The following VGLL4 variants were observed in gnomAD, a reference collection of about 807,000 sequenced individuals.
VGLL4 encodes transcription cofactor vestigial-like protein 4.
Under a neutral mutation model 21.0 loss-of-function variants are expected in VGLL4, and 7 were observed. That is an observed-to-expected ratio of 0.33 (90% CI 0.19 to 0.63). The LOEUF is 0.63. VGLL4 is among the 20% of genes least tolerant of loss of function. The pLI, the probability that VGLL4 is intolerant of heterozygous loss-of-function variation, is 0.78. For synonymous variants in VGLL4, 222 were observed against 173.2 expected (o/e 1.28, Z -2.21); for missense variants, 394 against 425.7 (o/e 0.93, Z 0.66).
rs2073624304 is a variant in VGLL4, at chr3:11,568,245, T to G, written c.273-3226A>C. 6.6e-6 allele frequency among the ~76,000 whole-genome samples: 1 copy of G among 152,208 alleles called. No individual in the cohort carries two copies. The highest frequency in any genetic ancestry group is 1.5e-5 in the Non-Finnish European group (1 of 68,028). On this transcript the variant is annotated intron_variant, in intron 2 of 4. Transcript: ENST00000430365. The surrounding 1 kb of genome is among the most constrained non-coding windows in gnomAD (Gnocchi z 5.9). The stretch of plus-strand genomic sequence containing the variant: ...TAAGGCACTGCCCACCCCTCGCACC[T>G]TATGTCCTAGGGGCACGGCACAGTC...
At position 11,654,150 on chromosome 3, in the gene VGLL4, C is replaced by T. The variant is rs116278587; in HGVS notation, c.64+48821G>A. Among the ~76,000 whole-genome samples, 1,206 of 151,940 alleles carry T rather than the reference C, an allele frequency of 7.9e-3. 22 individuals carry two copies. Among genetic ancestry groups the T allele is most frequent in the African/African-American group, 0.028 (1,136 of 41,296 alleles). On this transcript the variant is annotated intron_variant, in intron 2 of 5. Coordinates refer to the VGLL4 transcript ENST00000273038. The stretch of plus-strand genomic sequence containing the variant: ...GACAATAATGCCACAAATCAAGAAA[C>T]CCAAATCAAGCAAATCATTATTGGG...
chr3:11,705,838 A>G (rs1229132331), intron 1 of VGLL4, among the ~76,000 whole-genome samples: 1 of 151,834 alleles, frequency 6.6e-6, no homozygotes, highest in East Asian at 1.9e-4. Flanking sequence ...GGAGAATGGC[A>G]TGAACCCGCG....
chr3:11,620,240 C>T (rs1024089781), intron 1 of VGLL4, among the ~76,000 whole-genome samples: 1 of 152,316 alleles, frequency 6.6e-6, no homozygotes, highest in South Asian at 2.1e-4. Flanking sequence ...ATAGGAAAGA[C>T]TGGATTTACA....
chr3:11,563,013 T>C (rs1443271849), intron 3 of VGLL4, among the ~76,000 whole-genome samples: 1 of 152,256 alleles, frequency 6.6e-6, no homozygotes, highest in African/African-American at 2.4e-5. Context: ...CAGGCCACTC[T>C]GTTCAGCAGT....
intron 1 of VGLL4, among the ~76,000 whole-genome samples, chr3:11,716,120 G>A (rs1559961064): frequency 6.6e-6 from 1 of 151,946 alleles, no homozygotes; most frequent in East Asian, 1.9e-4. Context: ...TGGCCAACAT[G>A]GTGAAGCCCC....
rs551858889 is a variant in VGLL4 at position 11,686,852 on chromosome 3, T to C, written c.64+16119A>G. Among the ~76,000 whole-genome samples, 5 of 152,306 alleles carry C rather than the reference T, an allele frequency of 3.3e-5. No individual in the cohort carries two copies. The South Asian group carries it at 1.0e-3, about 32-fold the overall frequency. On this transcript the variant is annotated intron_variant, in intron 2 of 5. Transcript: ENST00000273038. The stretch of plus-strand genomic sequence containing the variant: ...CACAATCCATTGGTGGTTCCTAAAA[T>C]AGGTTGAATAGATTATAACCACCAT...
chr3:11,648,352 A>G (rs932861463), upstream of VGLL4, among the ~76,000 whole-genome samples: 2 of 152,228 alleles, frequency 1.3e-5, no homozygotes, highest in Non-Finnish European at 2.9e-5. Context: ...TTTGCCTTAT[A>G]CTGTACATCA....
At chr3:11,561,616 C>T (rs138256022) in intron 3 of VGLL4, among the ~76,000 whole-genome samples, 4,291 of 152,284 alleles carry the variant, frequency 0.028, 70 homozygotes, top group Non-Finnish European at 0.038. Context: ...CCACCTAGAA[C>T]GGGCCCCAGG....
chr3:11,679,438 A>C (rs2076339721), intron 2 of VGLL4, among the ~76,000 whole-genome samples: 1 of 152,172 alleles, frequency 6.6e-6, no homozygotes, highest in African/African-American at 2.4e-5. Context: ...TAATTCCAGC[A>C]CTTTGGGAGG....
At chr3:11,676,756 G>T (rs1233403927) in intron 2 of VGLL4, among the ~76,000 whole-genome samples, 1 of 151,886 alleles carries the variant, frequency 6.6e-6, no homozygotes, top group Non-Finnish European at 1.5e-5. Flanking sequence ...AAAAGAAAAA[G>T]AATATTAAAA....
At chr3:11,660,191 C>T (rs1338642709) in intron 2 of VGLL4, among the ~76,000 whole-genome samples, 2 of 152,090 alleles carry the variant, frequency 1.3e-5, no homozygotes, top group South Asian at 4.1e-4. Context: ...CCCATCCTGC[C>T]AGCCAGCAGT....
At position 11,708,553 on chromosome 3, in the gene VGLL4, C is replaced by T. The variant is rs546705760; in HGVS notation, c.-13-5506G>A. Among the ~76,000 whole-genome samples, 9 of 150,732 alleles carry T rather than the reference C, an allele frequency of 6.0e-5. No homozygotes were observed. The South Asian group carries it at 1.3e-3, about 21-fold the overall frequency. On this transcript the variant is annotated intron_variant, in intron 1 of 5. Transcript: ENST00000273038. ...CGTGTGCCTGGAGGGCCTGCAACACCGATATTTTATTTTAAGTCCGTGAAA... is the reference window on the plus strand; with the variant it reads ...CGTGTGCCTGGAGGGCCTGCAACACTGATATTTTATTTTAAGTCCGTGAAA...
In VGLL4 at chr3:11,586,736, A is replaced by AAG. The variant is rs570757370; in HGVS notation, c.272+15096_272+15097insCT. ...CTGTATCCTCGAGGGTCTTGGAACC[A>AAG]ATCTCCCAAGGATATCCAGGGACGG... On this transcript the variant is annotated intron_variant, in intron 2 of 4. Coordinates refer to ENST00000430365, the MANE Select transcript of VGLL4 (RefSeq NM_001128219.3). Among the ~76,000 whole-genome samples, 29 of 152,340 alleles carry AAG rather than the reference A, an allele frequency of 1.9e-4. No homozygotes were observed. The South Asian group carries it at 5.8e-3, about 30-fold the overall frequency.
chr3:11,702,745 C>CAAAAAAAAAAAAAAAAAAAAA (rs372702459), intron 2 of VGLL4: 2 of 182,414 alleles, frequency 1.1e-5, no homozygotes, highest in Non-Finnish European at 1.1e-5. Context: ...AAAAAAAAAA[C>CAAAAAAAAAAAAAAAAAAAAA]AAAAAAAAAA....
rs769543042 is a variant in VGLL4, at chr3:11,558,633, C to T, written c.814G>A (p.Ala272Thr). 1.9e-5 allele frequency: 31 copies of T among 1,609,894 alleles called. No individual in the cohort carries two copies. The highest frequency in any genetic ancestry group is 5.3e-5 in the African/African-American group (4 of 74,902). ...KDGASSSPESASRRGQPASPS... is the reference protein window; with the variant it reads ...KDGASSSPESTSRRGQPASPS... Reference sequence around the variant, plus strand: ...CTGGCGGGCTGGCCCCTGCGAGAGGCGGACTCAGGGCTGCTGGATGCTCCG... The same window carrying T: ...CTGGCGGGCTGGCCCCTGCGAGAGGTGGACTCAGGGCTGCTGGATGCTCCG... Residue 272 changes from alanine to threonine, a missense_variant, in exon 5 of 5, where the codon GCC becomes ACC. Physicochemically the swap from Ala to Thr is moderately conservative, Grantham distance 58 (BLOSUM62 0). Coordinates refer to ENST00000430365, the MANE Select transcript of VGLL4 (RefSeq NM_001128219.3).
upstream of VGLL4, among the ~76,000 whole-genome samples, chr3:11,644,093 A>G (rs73814967): frequency 0.019 from 2,960 of 152,292 alleles, 86 homozygotes; most frequent in African/African-American, 0.067. Context: ...GCCTTGGCAG[A>G]GTGGCTCTTG....
intron 1 of VGLL4, among the ~76,000 whole-genome samples, chr3:11,715,435 G>A (rs2076906881): frequency 6.6e-6 from 1 of 152,102 alleles, no homozygotes; most frequent in Admixed American, 6.5e-5. Context: ...CCGGGTTCAA[G>A]CAATTCTCCT....
intron 2 of VGLL4, among the ~76,000 whole-genome samples, chr3:11,687,170 C>T (rs1034503508): frequency 2.6e-5 from 4 of 152,112 alleles, no homozygotes; most frequent in African/African-American, 9.7e-5. Context: ...CCCTCCCCAC[C>T]TCTTATCTTT....
chr3:11,625,619 C>G (rs1470335419), intron 1 of VGLL4, among the ~76,000 whole-genome samples: 1 of 152,194 alleles, frequency 6.6e-6, no homozygotes, highest in Non-Finnish European at 1.5e-5. Context: ...TTTTTCTCTT[C>G]CTTTTTCACA....
Sources: gnomAD v4.1 joint callset for allele counts (sites outside exome capture counted in the v4.1 genomes callset) on GRCh38, gnomAD v4.1.1 for gene constraint, Gnocchi (gnomAD v3.1) non-coding constraint, MANE v1.5 for transcripts, NCBI Gene and HGNC (gene_info 2026-07-23, HGNC 2026-07-21) for gene names.